Variants in SMG1 observed in about 807,000 individuals in gnomAD.
The protein encoded by SMG1 is serine/threonine-protein kinase SMG1.
SMG1 carries 22 observed loss-of-function variants against 419.9 expected under a neutral mutation model. That is an observed-to-expected ratio of 0.05 (90% CI 0.04 to 0.07). The LOEUF (loss-of-function observed/expected upper bound fraction) is 0.07, where lower values mean the gene tolerates loss of function less well. Among genes scored for constraint, SMG1 ranks in the 10% least tolerant of loss-of-function variants. The probability of loss-of-function intolerance (pLI) is 1.00; values close to 1 mark genes in which losing one functional copy is unlikely to be tolerated. For synonymous variants in SMG1, 1,538 were observed against 1,553.5 expected (o/e 0.99, Z 0.23); for missense variants, 3,185 against 4,342.0 (o/e 0.73, Z 7.49).
intron 11 of SMG1, chr16:18,878,680 A>G (rs1474584557): frequency 2.0e-5 from 3 of 152,238 alleles, no homozygotes; most frequent in Non-Finnish European, 4.4e-5. Flanking sequence ...CTCAAAAAAC[A>G]CAAGTAAAGC....
At position 18,808,732 on chromosome 16, in the gene SMG1, C is replaced by G. The variant is rs2031086173; in HGVS notation, c.*837G>C. ...GAATCACAGAAATGACTTAAATAAC[C>G]GGAATTACATTTTGTGTGTGATCAT... On this transcript the variant is annotated 3_prime_UTR_variant, in exon 63 of 63. Coordinates refer to ENST00000446231, the MANE Select transcript of SMG1 (RefSeq NM_015092.5). 1 of 152,544 alleles carries G rather than the reference C, an allele frequency of 6.6e-6. No homozygotes were observed. The highest frequency in any genetic ancestry group is 1.5e-5 in the Non-Finnish European group (1 of 68,014). 9.4% of individuals were successfully genotyped at this position (152,544 alleles called of 1,614,324 possible). A position where few individuals can be genotyped will look rare whatever the true frequency, so the allele number is the denominator to read the frequency against.
At chr16:18,891,222 G>GGA (rs1567432556) in intron 4 of SMG1, among the ~76,000 whole-genome samples, 1 of 152,182 alleles carries the variant, frequency 6.6e-6, no homozygotes, top group East Asian at 1.9e-4. Context: ...AGGGATAGAT[G>GGA]GAGAGACATG....
intron 26 of SMG1, among the ~76,000 whole-genome samples, chr16:18,860,234 G>A (rs2035143864): frequency 1.3e-5 from 2 of 151,848 alleles, no homozygotes; most frequent in South Asian, 2.1e-4. Context: ...AAAGAAAATC[G>A]GTAAGTCAAT....
At position 18,841,911 on chromosome 16, in the gene SMG1, G is replaced by A. The variant is rs150041907; in HGVS notation, c.6467-117C>T. 4.9e-5 allele frequency: 42 copies of A among 865,112 alleles called. No individual in the cohort carries two copies. In the East Asian group the frequency reaches 9.2e-4, roughly 19 times the overall value. 53.6% of individuals were successfully genotyped at this position (865,112 alleles called of 1,614,324 possible). ...AAACTGACAGTCCATGAGGCACACT[G>A]AGAGCATTAAAGAATTCTATTTTGG... On this transcript the variant is annotated intron_variant, in intron 40 of 62. Coordinates refer to ENST00000446231, the MANE Select transcript of SMG1 (RefSeq NM_015092.5).
Position 18,876,179 on chromosome 16 carries a change from A to G in SMG1, c.1835T>C (p.Ile612Thr), listed in dbSNP as rs17842615. ...TGTAGTCAGGGCACTGAGGTCAAAT[A>G]TAACTACAAATTTTGCATTGTCTAC... ...FNVDNAKFVV[I>T]FDLSALTTIG... is the part of the protein sequence containing the mutation. Residue 612 changes from isoleucine (I) to threonine (T), a missense_variant, in exon 13 of 63, where the codon ATA becomes ACA. Ile to Thr is a moderately conservative substitution (Grantham distance 89). Around this residue, in one of 27 missense-constraint regions of SMG1, gnomAD observed 297 missense variants for 491.0 expected, o/e 0.60. Transcript: ENST00000446231. 1.1e-5 allele frequency: 18 copies of G among 1,602,030 alleles called. No homozygotes were observed. The South Asian group carries it at 1.2e-4, about 11-fold the overall frequency.
Position 18,841,747 on chromosome 16 carries a change from T to C in SMG1, c.6514A>G (p.Ile2172Val), listed in dbSNP as rs1158422991. The change falls in exon 41 of 63, where the codon ATT (isoleucine) becomes GTT (valine). Residue 2172 changes from isoleucine (I) to valine (V), a missense_variant. Transcript: ENST00000446231. Reference protein sequence around the residue: ...LDERIMQFLSIVNTMFATINR... With the variant: ...LDERIMQFLSVVNTMFATINR... ...ATTGTAGCAAACATGGTATTCACAA[T>C]AGATAGGAACTGCATTATTCTCTCA... 10 of 1,613,990 alleles carry C rather than the reference T, an allele frequency of 6.2e-6. No individual in the cohort carries two copies. The highest frequency in any genetic ancestry group is 2.7e-5 in the African/African-American group (2 of 75,030).
intron 1 of SMG1, among the ~76,000 whole-genome samples, chr16:18,898,549 CTA>C (rs1471253331): frequency 6.6e-6 from 1 of 152,112 alleles, no homozygotes; most frequent in East Asian, 1.9e-4. Context: ...TAACATGCAT[CTA>C]TATAAATCAT....
In SMG1 at chr16:18,854,913, A is replaced by G; in HGVS notation, c.4235-9T>C. The G allele has an allele frequency of 1.2e-6, 2 of 1,608,280 alleles. No individual in the cohort carries two copies. Among genetic ancestry groups the G allele is most frequent in the South Asian group, 2.2e-5 (2 of 90,048 alleles). ...AATTGGGACTGTTTGTTCTGAAGAG[A>G]GGAAAACGTTTTATTAGTTCCTAAT... On this transcript the variant is annotated splice_polypyrimidine_tract_variant and intron_variant, in intron 29 of 62. Transcript: ENST00000446231.
Position 18,887,516 on chromosome 16 carries a change from C to CTTTTTTTTTTTTTTTTTT in SMG1, c.823-1851_823-1850insAAAAAAAAAAAAAAAAAA, listed in dbSNP as rs574179061. On this transcript the variant is annotated intron_variant, in intron 6 of 62. Transcript: ENST00000446231. ...ACCACGCCCGACTTATTTTTTTTTC[C>CTTTTTTTTTTTTTTTTTT]TTTTTTTTTTTTTTTTTAATAGAAA... is the stretch of plus-strand genomic sequence containing the variant. Among the ~76,000 whole-genome samples, 45 of 110,098 alleles carry CTTTTTTTTTTTTTTTTTT rather than the reference C, an allele frequency of 4.1e-4. 1 individual carries two copies. The highest frequency in any genetic ancestry group is 6.4e-4 in the Non-Finnish European group (35 of 54,750). The allele number at this position is 110,098 out of a possible 152,430, so 72.2% of individuals were successfully genotyped here.
At chr16:18,922,607 G>A (rs2038238275) in intron 1 of SMG1, among the ~76,000 whole-genome samples, 1 of 152,132 alleles carries the variant, frequency 6.6e-6, no homozygotes, top group South Asian at 2.1e-4. Flanking sequence ...TGGGATTACA[G>A]GCATGCACCA....
At chr16:18,883,317 C>T (rs1228373873) in intron 9 of SMG1, among the ~76,000 whole-genome samples, 29 of 152,300 alleles carry the variant, frequency 1.9e-4, no homozygotes, top group Middle Eastern at 3.4e-3. Flanking sequence ...ATGCTATATT[C>T]GTACAGCCAC....
intron 23 of SMG1, among the ~76,000 whole-genome samples, chr16:18,864,521 A>T (rs2035393781): frequency 6.6e-6 from 1 of 151,140 alleles, no homozygotes; most frequent in Admixed American, 6.6e-5. Flanking sequence ...TTTTTGAGAC[A>T]GAGTCTTACT....
intron 8 of SMG1, chr16:18,884,725 T>C (rs2036545400): frequency 5.1e-6 from 1 of 195,000 alleles, no homozygotes; most frequent in South Asian, 1.4e-4. Flanking sequence ...ATTCTCCAAA[T>C]TAACCCTGTA....
intron 6 of SMG1, among the ~76,000 whole-genome samples, chr16:18,888,475 AT>A (rs1239993776): frequency 1.4e-5 from 2 of 138,488 alleles, no homozygotes; most frequent in African/African-American, 2.5e-5. Flanking sequence ...GAGGAAAAAA[AT>A]CCTTTTTTTT....
At chr16:18,852,555 T>G (rs760676716) in intron 31 of SMG1, 93 bp from the exon 32 acceptor site, 121 of 1,136,336 alleles carry the variant, frequency 1.1e-4, no homozygotes, top group Non-Finnish European at 1.3e-4. Context: ...GCATTTTAGG[T>G]TTTTATCTGC....
intron 11 of SMG1, 176 bp downstream of exon 11, chr16:18,879,319 T>A: frequency 1.7e-6 from 1 of 594,526 alleles, no homozygotes; most frequent in Non-Finnish European, 3.0e-6. Context: ...CTCACTACAT[T>A]GCCCAAGCTG....
rs2030749674 is a variant in SMG1 at position 18,805,597 on chromosome 16, C to T, written c.*3972G>A. On this transcript the variant is annotated 3_prime_UTR_variant, in exon 63 of 63. Transcript: ENST00000446231. ...AACAAACCCTTAGGGTTTCATGATA[C>T]AGTGAATTTTCCCCTCCCCAACGTT... is the stretch of plus-strand genomic sequence containing the variant. The T allele has an allele frequency of 6.6e-6, 1 of 152,144 alleles. No homozygotes were observed. Among genetic ancestry groups the T allele is most frequent in the South Asian group, 2.1e-4 (1 of 4,822 alleles). 9.4% of individuals were successfully genotyped at this position (152,144 alleles called of 1,614,324 possible).
At chr16:18,841,071 A>G (rs989962452) in intron 41 of SMG1, among the ~76,000 whole-genome samples, 1 of 152,086 alleles carries the variant, frequency 6.6e-6, no homozygotes, top group African/African-American at 2.4e-5. Context: ...TTAAAAAACA[A>G]AACCAAAAAA....
chr16:18,850,160 A>T (rs776988102), intron 34 of SMG1, 34 bp from the exon 35 acceptor site: 1 of 1,600,146 alleles, frequency 6.2e-7, no homozygotes, highest in Admixed American at 1.7e-5. Flanking sequence ...TAAATAAGAA[A>T]ATAACTCAGA....
Sources: allele counts gnomAD v4.1 joint callset (sites outside exome capture counted in the v4.1 genomes callset), GRCh38; gene constraint gnomAD v4.1.1; regional missense constraint gnomAD v4.1.1; transcripts MANE v1.5; gene names NCBI Gene and HGNC (gene_info 2026-07-23, HGNC 2026-07-21).